The following RYR1 variants were observed in gnomAD, a reference collection of about 807,000 sequenced individuals.
The protein encoded by RYR1 is central core disease of muscle.
RYR1 carries 342 observed loss-of-function variants against 583.5 expected under a neutral mutation model. The observed-to-expected ratio is 0.59, with a 90% CI of 0.54 to 0.64. The LOEUF (loss-of-function observed/expected upper bound fraction) is 0.64. Ranked by LOEUF, RYR1 falls within the 30% of genes least tolerant of loss-of-function variation. The pLI is 0.00. For synonymous variants in RYR1, 2,791 were observed against 2,822.5 expected (o/e 0.99, Z 0.35); for missense variants, 6,032 against 6,917.2 (o/e 0.87, Z 4.54).
intron 102 of RYR1, among the ~76,000 whole-genome samples, chr19:38,585,392 ATT>A (rs1568612344): frequency 3.7e-4 from 54 of 145,434 alleles, no homozygotes; most frequent in African/African-American, 1.3e-3. Flanking sequence ...ATATATGTTT[ATT>A]TATATATATA....
intron 65 of RYR1, among the ~76,000 whole-genome samples, chr19:38,517,017 C>T (rs1210618392): frequency 6.6e-6 from 1 of 151,958 alleles, no homozygotes; most frequent in Non-Finnish European, 1.5e-5. Context: ...GGCGGGGAGA[C>T]AGGGTGGGGT....
chr19:38,459,411 C>T (rs1351061930), intron 19 of RYR1, 73 bp downstream of exon 19: 1 of 1,423,428 alleles, frequency 7.0e-7, no homozygotes, highest in Non-Finnish European at 9.7e-7. Flanking sequence ...CCCAGTCACT[C>T]CATGGTCCCC....
intron 13 of RYR1, 99 bp downstream of exon 13, chr19:38,453,113 C>G: frequency 1.5e-6 from 2 of 1,293,304 alleles, no homozygotes; most frequent in Non-Finnish European, 2.2e-6. Flanking sequence ...GCCTGAGGGA[C>G]CTGGGGAAGT....
intron 84 of RYR1, among the ~76,000 whole-genome samples, chr19:38,540,329 A>G (rs201855797): frequency 9.2e-5 from 14 of 151,394 alleles, no homozygotes; most frequent in Non-Finnish European, 2.1e-4. Context: ...AAAAAAAATC[A>G]TATACTACAG....
In RYR1 at chr19:38,469,330, A is replaced by C. The variant is rs1477667804; in HGVS notation, c.3582A>C (p.Gly1194=). Residue 1194 remains glycine, a synonymous_variant, in exon 27 of 106, where the codon GGA becomes GGC. Transcript: ENST00000359596. ...GCTTCCTGCCCGTCTGCAGCTTGGG[A>C]CCTGGCCAGGTGGGTCATCTGAACC... ...GDGFLPVCSL[G]PGQVGHLNLG... 6.2e-7 allele frequency: 1 copy of C among 1,613,434 alleles called. No individual in the cohort carries two copies. The highest frequency in any genetic ancestry group is 8.5e-7 in the Non-Finnish European group (1 of 1,179,930).
chr19:38,576,878 C>T (rs1973978331), intron 97 of RYR1, among the ~76,000 whole-genome samples: 3 of 151,890 alleles, frequency 2.0e-5, no homozygotes, highest in Admixed American at 2.0e-4. Context: ...AACCAGATTG[C>T]CTGCTTTTCT....
intron 42 of RYR1, among the ~76,000 whole-genome samples, chr19:38,497,833 G>A (rs1969916115): frequency 6.6e-6 from 1 of 152,018 alleles, no homozygotes; most frequent in Non-Finnish European, 1.5e-5. Flanking sequence ...AAGTAGGTGG[G>A]TGTAGTGGCA....
chr19:38,508,198 T>C (rs1191687697), intron 58 of RYR1, among the ~76,000 whole-genome samples: 1 of 152,004 alleles, frequency 6.6e-6, no homozygotes, highest in African/African-American at 2.4e-5. Context: ...TTTATTTTTA[T>C]TTTTTATTTT....
intron 97 of RYR1, among the ~76,000 whole-genome samples, chr19:38,576,806 A>C (rs766419459): frequency 1.3e-5 from 2 of 152,146 alleles, no homozygotes; most frequent in Admixed American, 1.3e-4. Context: ...TCTCAAAAAA[A>C]GAGAGAAATA....
rs753893720 is a variant in RYR1, at chr19:38,579,979, C to G, written c.14365-3C>G. The G allele has an allele frequency of 6.2e-7, 1 of 1,614,168 alleles. No individual in the cohort carries two copies. The highest frequency in any genetic ancestry group is 1.7e-5 in the Admixed American group (1 of 60,004). On this transcript the variant is annotated splice_region_variant and splice_polypyrimidine_tract_variant and intron_variant, in intron 99 of 105. Coordinates refer to ENST00000359596, the MANE Select transcript of RYR1 (RefSeq NM_000540.3). Reference sequence around the variant, plus strand: ...CCTGACCCCTGGCCCTGTGTGCCCACAGTCCTTCCTGTACCTGGGCTGGTA... The same window carrying G: ...CCTGACCCCTGGCCCTGTGTGCCCAGAGTCCTTCCTGTACCTGGGCTGGTA...
chr19:38,565,597 C>CGAG lies in RYR1; in HGVS notation c.13271_13273dup (p.Glu4424dup). 6.9e-7 allele frequency: 1 copy of CGAG among 1,458,104 alleles called. No individual in the cohort carries two copies. The highest frequency in any genetic ancestry group is 9.0e-7 in the Non-Finnish European group (1 of 1,112,332). 90.3% of individuals were successfully genotyped at this position (1,458,104 alleles called of 1,614,324 possible). On this transcript the variant is annotated inframe_insertion, in exon 91 of 106. Coordinates refer to ENST00000359596, the MANE Select transcript of RYR1 (RefSeq NM_000540.3). This position sits in a 1 kb window ranked among gnomAD's most constrained non-coding sequence, Gnocchi z 4.7. Reference sequence around the variant, plus strand: ...GAGACGCCGCGGAGGGCGCTGGAGACGAGGAGGAGGCGGTGCACGAGGCCG... The same window carrying CGAG: ...GAGACGCCGCGGAGGGCGCTGGAGACGAGGAGGAGGAGGCGGTGCACGAGGCCG...
At chr19:38,462,860 C>T (rs1016243171) in intron 20 of RYR1, among the ~76,000 whole-genome samples, 14 of 151,066 alleles carry the variant, frequency 9.3e-5, no homozygotes, top group South Asian at 2.1e-4. Flanking sequence ...GAGACAGACC[C>T]GTCCCAGATA....
Position 38,543,923 on chromosome 19 carries a change from A to C in RYR1, c.12012+48A>C. 6.4e-7 allele frequency: 1 copy of C among 1,562,438 alleles called. No individual in the cohort carries two copies. Among genetic ancestry groups the C allele is most frequent in the Non-Finnish European group, 8.7e-7 (1 of 1,144,216 alleles). ...TCCACCTGCTTCCGGGCGTCCCCCA[A>C]GTGGTCCATTTCCAAGTCTTGCCCC... On this transcript the variant is annotated intron_variant, in intron 87 of 105. Transcript: ENST00000359596. The surrounding 1 kb of genome is among the most constrained non-coding windows in gnomAD (Gnocchi z 4.4).
intron 27 of RYR1, among the ~76,000 whole-genome samples, chr19:38,472,109 T>G (rs1005643424): frequency 2.0e-5 from 3 of 152,022 alleles, no homozygotes; most frequent in Admixed American, 2.0e-4. Flanking sequence ...TTTTGGTTTT[T>G]GTTTTTTGAG....
intron 89 of RYR1, among the ~76,000 whole-genome samples, chr19:38,552,850 A>G (rs761233794): frequency 2.2e-4 from 33 of 152,160 alleles, no homozygotes; most frequent in South Asian, 6.2e-4. Context: ...TGCAGGAGCT[A>G]AAGTACACAT....
At position 38,466,256 on chromosome 19, in the gene RYR1, CCCAG is replaced by C; in HGVS notation, c.3038_3041del (p.Pro1013ArgfsTer95). 6.2e-7 allele frequency: 1 copy of C among 1,613,280 alleles called. No homozygotes were observed. The highest frequency in any genetic ancestry group is 8.5e-7 in the Non-Finnish European group (1 of 1,179,938). On this transcript the variant is annotated frameshift_variant, in exon 24 of 106. Transcript: ENST00000359596. LOFTEE classifies it high-confidence loss of function. The stretch of plus-strand genomic sequence containing the variant: ...GGAGCTACAGCGCAGTGCAGGACAT[CCCAG>C]CGCGCCGAAACCCTCGGCTGGTGCC...
At chr19:38,474,350 C>T (rs539935895) in intron 28 of RYR1, among the ~76,000 whole-genome samples, 81 of 151,948 alleles carry the variant, frequency 5.3e-4, no homozygotes, top group Non-Finnish European at 1.1e-3. Flanking sequence ...GCAACCTCCA[C>T]CTCCCGGGTT....
intron 42 of RYR1, among the ~76,000 whole-genome samples, chr19:38,497,279 G>A (rs545129504): frequency 2.0e-5 from 3 of 151,606 alleles, no homozygotes; most frequent in East Asian, 1.9e-4. Context: ...GGCTGGGGGC[G>A]GATCCGCACG....
chr19:38,494,692 T>C, intron 39 of RYR1, 67 bp downstream of exon 39: 1 of 1,591,234 alleles, frequency 6.3e-7, no homozygotes, highest in Non-Finnish European at 8.6e-7. Context: ...CAGGATACAA[T>C]AACATTCCCT....
Sources: allele counts gnomAD v4.1 joint callset (sites outside exome capture counted in the v4.1 genomes callset), GRCh38; gene constraint gnomAD v4.1.1; non-coding constraint Gnocchi (gnomAD v3.1); transcripts MANE v1.5; gene names NCBI Gene and HGNC (gene_info 2026-07-23, HGNC 2026-07-21).